Variants in SEMA3A observed in about 807,000 individuals in gnomAD.
SEMA3A encodes the protein semaphorin 3A, also known as semaphorin-3A.
SEMA3A carries 29 observed loss-of-function variants against 97.9 expected under a neutral mutation model. The observed-to-expected ratio is 0.30, with a 90% CI of 0.22 to 0.40. The LOEUF (loss-of-function observed/expected upper bound fraction) is 0.40, where lower values mean the gene tolerates loss of function less well. Ranked by LOEUF, SEMA3A falls within the 10% of genes least tolerant of loss-of-function variation. The pLI is 1.00. For synonymous variants in SEMA3A, 321 were observed against 323.7 expected (o/e 0.99, Z 0.09); for missense variants, 763 against 951.3 (o/e 0.80, Z 2.60).
chr7:84,273,077 C>G (rs112993644), intron 3 of SEMA3A, among the ~76,000 whole-genome samples: 2 of 152,066 alleles, frequency 1.3e-5, no homozygotes, highest in African/African-American at 4.8e-5. Flanking sequence ...CAGGTTCCTA[C>G]TAAAGCAGGT....
intron 3 of SEMA3A, among the ~76,000 whole-genome samples, chr7:84,203,352 G>T (rs2116301707): frequency 6.7e-6 from 1 of 149,440 alleles, no homozygotes; most frequent in South Asian, 2.1e-4. Context: ...TATTTTTAAT[G>T]CTCAGCATAG....
chr7:84,402,521 T>C (rs894280825), intron 1 of SEMA3A, among the ~76,000 whole-genome samples: 3 of 152,306 alleles, frequency 2.0e-5, no homozygotes, highest in Middle Eastern at 3.4e-3. Context: ...AGGAAATCAG[T>C]ATATCAAAGA....
chr7:84,403,101 C>T (rs1020328264), intron 1 of SEMA3A, among the ~76,000 whole-genome samples: 7 of 152,054 alleles, frequency 4.6e-5, no homozygotes, highest in Admixed American at 2.0e-4. Context: ...GATGAGGCAT[C>T]GCCTCACCCG....
intron 1 of SEMA3A, among the ~76,000 whole-genome samples, chr7:84,453,440 G>A (rs551151351): frequency 1.2e-3 from 177 of 152,030 alleles, no homozygotes; most frequent in Non-Finnish European, 2.1e-3. Context: ...GTTTCACCGT[G>A]TTAGCCAGGA....
upstream of SEMA3A, among the ~76,000 whole-genome samples, chr7:84,197,085 A>G: frequency 6.6e-6 from 1 of 152,156 alleles, no homozygotes; most frequent in East Asian, 1.9e-4. Flanking sequence ...TAAAATCTGG[A>G]TTTTGAACCA....
rs1378052602 is a variant in SEMA3A, at chr7:83,961,453, T to C, written c.2234A>G (p.Asn745Ser). The change falls in exon 17 of 17, where the codon AAC becomes AGC. Residue 745 changes from asparagine to serine, a missense_variant. By Grantham distance (46) the Asn-to-Ser change is conservative. Around this residue, in one of 2 missense-constraint regions of SEMA3A, gnomAD observed 678 missense variants for 881.3 expected, o/e 0.77. Coordinates refer to ENST00000265362, the MANE Select transcript of SEMA3A (RefSeq NM_006080.3). ...ATTTTCTTGTAAGTGCTTCCATTTG[T>C]TACTGTTCCCTGGGGTATGTCCTGG... ...QRPGHTPGNS[N>S]KWKHLQENKK... is the part of the protein sequence containing the mutation. 6.2e-7 allele frequency: 1 copy of C among 1,614,058 alleles called. No individual in the cohort carries two copies. Among genetic ancestry groups the C allele is most frequent in the African/African-American group, 1.3e-5 (1 of 74,944 alleles).
intron 1 of SEMA3A, among the ~76,000 whole-genome samples, chr7:84,141,051 C>T (rs1355386019): frequency 1.3e-5 from 2 of 152,138 alleles, no homozygotes; most frequent in Admixed American, 6.6e-5. Flanking sequence ...AGGACCTTTC[C>T]ACAGACTGAT....
At chr7:84,314,893 G>C (rs557038416) in intron 2 of SEMA3A, among the ~76,000 whole-genome samples, 1 of 152,192 alleles carries the variant, frequency 6.6e-6, no homozygotes, top group African/African-American at 2.4e-5. Flanking sequence ...ATATAAATGG[G>C]AGGAAAACAA....
At chr7:84,253,156 G>A (rs1355160369) in intron 3 of SEMA3A, among the ~76,000 whole-genome samples, 1 of 152,162 alleles carries the variant, frequency 6.6e-6, no homozygotes. Flanking sequence ...GAGATTACGG[G>A]CATGAGCCAA....
intron 9 of SEMA3A, 116 bp from the exon 10 acceptor site, chr7:84,007,613 C>A (rs1790719706): frequency 4.5e-6 from 4 of 882,132 alleles, no homozygotes; most frequent in Non-Finnish European, 6.1e-6. Context: ...AATATAAATT[C>A]TTAGCAATAA....
At chr7:84,162,830 T>A (rs1419430805) in intron 1 of SEMA3A, among the ~76,000 whole-genome samples, 1 of 151,888 alleles carries the variant, frequency 6.6e-6, no homozygotes, top group Non-Finnish European at 1.5e-5. Context: ...CCAAGGAGAG[T>A]AGAGAGGCAC....
chr7:84,239,616 A>C (rs1210845911), intron 3 of SEMA3A, among the ~76,000 whole-genome samples: 1 of 152,202 alleles, frequency 6.6e-6, no homozygotes, highest in African/African-American at 2.4e-5. Context: ...TATAGTTAGC[A>C]ATTTCTTTTT....
chr7:84,482,337 C>T lies in SEMA3A; in HGVS notation c.-246+10123G>A, dbSNP rs564826309. On this transcript the variant is annotated intron_variant, in intron 1 of 3. Coordinates refer to the SEMA3A transcript ENST00000424555. ...TATGTATTTTATAATTATTGTATACCGAATATCTATTCCTAAATGGTAAAT... is the reference window on the plus strand; with the variant it reads ...TATGTATTTTATAATTATTGTATACTGAATATCTATTCCTAAATGGTAAAT... 3.0e-4 allele frequency among the ~76,000 whole-genome samples: 46 copies of T among 152,008 alleles called. No individual in the cohort carries two copies. In the South Asian group the frequency reaches 3.7e-3, roughly 12 times the overall value.
In SEMA3A at chr7:83,960,450, GGT is replaced by G. The variant is rs1321939537; in HGVS notation, c.*919_*920del. 6.6e-6 allele frequency: 1 copy of G among 151,990 alleles called. No individual in the cohort carries two copies. The highest frequency in any genetic ancestry group is 1.5e-5 in the Non-Finnish European group (1 of 67,892). 9.4% of individuals were successfully genotyped at this position (151,990 alleles called of 1,614,324 possible). A position where few individuals can be genotyped will look rare whatever the true frequency, so the allele number is the denominator to read the frequency against. On this transcript the variant is annotated 3_prime_UTR_variant, in exon 17 of 17. Coordinates refer to ENST00000265362, the MANE Select transcript of SEMA3A (RefSeq NM_006080.3). Reference sequence around the variant, plus strand: ...TTTAGATAATGCTTAAAGAAGGGGAGGTGTGAACAGCTTCCATTTGTTTGATT... The same window carrying G: ...TTTAGATAATGCTTAAAGAAGGGGAGGTGAACAGCTTCCATTTGTTTGATT...
intron 6 of SEMA3A, among the ~76,000 whole-genome samples, chr7:84,038,050 C>T (rs1177738253): frequency 6.6e-6 from 1 of 152,046 alleles, no homozygotes; most frequent in Non-Finnish European, 1.5e-5. Context: ...AAGCTTAGAA[C>T]ATTTTTAATG....
At chr7:84,438,314 G>T (rs540792205) in intron 1 of SEMA3A, among the ~76,000 whole-genome samples, 5 of 152,114 alleles carry the variant, frequency 3.3e-5, no homozygotes, top group African/African-American at 1.2e-4. Context: ...AATAAAAATA[G>T]CCAGAGGAAG....
intron 1 of SEMA3A, among the ~76,000 whole-genome samples, chr7:84,148,085 T>A (rs1217236575): frequency 1.6e-5 from 2 of 122,810 alleles, no homozygotes; most frequent in African/African-American, 4.3e-5. Context: ...AATTTTTGTA[T>A]TTTTTTTTTA....
chr7:84,152,192 G>T (rs1377403989), intron 1 of SEMA3A, among the ~76,000 whole-genome samples: 1 of 151,554 alleles, frequency 6.6e-6, no homozygotes, highest in Non-Finnish European at 1.5e-5. Flanking sequence ...CCATTACTGG[G>T]TATATACCCA....
intron 4 of SEMA3A, among the ~76,000 whole-genome samples, chr7:84,110,090 CA>C (rs1795231909): frequency 6.6e-6 from 1 of 152,084 alleles, no homozygotes; most frequent in Admixed American, 6.6e-5. Flanking sequence ...AATCCCTAGG[CA>C]GAAGAAAACA....
Sources: allele counts gnomAD v4.1 joint callset (sites outside exome capture counted in the v4.1 genomes callset), GRCh38; gene constraint gnomAD v4.1.1; regional missense constraint gnomAD v4.1.1; transcripts MANE v1.5; gene names NCBI Gene and HGNC (gene_info 2026-07-23, HGNC 2026-07-21).